Variants in NRG2 observed in about 807,000 individuals in gnomAD.
NRG2 encodes the protein neuregulin 2.
Under a neutral mutation model 73.9 loss-of-function variants are expected in NRG2, and 27 were observed. The ratio of observed to expected loss-of-function variants is 0.37; its 90% CI spans 0.27 to 0.50. The LOEUF (loss-of-function observed/expected upper bound fraction) is 0.50. Ranked by LOEUF, NRG2 falls within the 20% of genes least tolerant of loss-of-function variation. NRG2 has a pLI of 0.96. For missense variants in NRG2, 1,126 were observed against 1,210.1 expected (o/e 0.93, Z 1.03); for synonymous variants, 532 against 541.0 (o/e 0.98, Z 0.23).
intron 1 of NRG2, among the ~76,000 whole-genome samples, chr5:140,035,206 T>C (rs1761421306): frequency 6.6e-6 from 1 of 152,206 alleles, no homozygotes; most frequent in South Asian, 2.1e-4. Context: ...AAATAATCAA[T>C]TGATTCATCT....
chr5:139,883,014 G>A lies in NRG2; in HGVS notation c.873-2040C>T, dbSNP rs1046619885. 2.0e-5 allele frequency among the ~76,000 whole-genome samples: 3 copies of A among 152,146 alleles called. No homozygotes were observed. In the East Asian group the frequency reaches 5.8e-4, roughly 29 times the overall value. On this transcript the variant is annotated intron_variant, in intron 2 of 9. Transcript: ENST00000361474. ...AGAAGCCGGCCCCAGAGATGCACAC[G>A]GGGCTCTGGGTCCTGGCTAAGGGGC...
chr5:139,893,553 A>G (rs973237434), intron 1 of NRG2, among the ~76,000 whole-genome samples: 44 of 152,176 alleles, frequency 2.9e-4, no homozygotes, highest in Non-Finnish European at 6.3e-4. Flanking sequence ...TTCCCCAGAG[A>G]CGAAAGGGGC....
chr5:139,887,617 G>A lies in NRG2; in HGVS notation c.701-106C>T. The A allele has an allele frequency of 2.0e-6, 2 of 1,021,624 alleles. No individual in the cohort carries two copies. The highest frequency in any genetic ancestry group is 2.9e-6 in the Non-Finnish European group (2 of 686,844). 63.3% of individuals were successfully genotyped at this position (1,021,624 alleles called of 1,614,324 possible). On this transcript the variant is annotated intron_variant, in intron 1 of 9. Transcript: ENST00000361474. The surrounding 1 kb of genome is among the most constrained non-coding windows in gnomAD (Gnocchi z 4.5). ...TGTCTTTGGGCTGGAACTGGGGAAG[G>A]GAAGGGTGATCCTGAGAGCCACCCC...
rs147333832 is a variant in NRG2, at chr5:139,856,426, G to A, written c.1190-648C>T. 413 of 153,276 alleles carry A rather than the reference G, an allele frequency of 2.7e-3. 1 individual carries two copies. The highest frequency in any genetic ancestry group is 8.8e-3 in the South Asian group (43 of 4,860). 9.5% of individuals were successfully genotyped at this position (153,276 alleles called of 1,614,324 possible). A position where few individuals can be genotyped will look rare whatever the true frequency, so the allele number is the denominator to read the frequency against. On this transcript the variant is annotated intron_variant, in intron 5 of 9. Transcript: ENST00000361474. This position sits in a 1 kb window ranked among gnomAD's most constrained non-coding sequence, Gnocchi z 4.2. ...GGGCCTCAAAGCCCTCCCAAAGGCCGACTGTCCTCTTTACCCTCTGCTGCT... is the reference window on the plus strand; with the variant it reads ...GGGCCTCAAAGCCCTCCCAAAGGCCAACTGTCCTCTTTACCCTCTGCTGCT...
chr5:140,025,533 C>T lies in NRG2; in HGVS notation c.700+16837G>A, dbSNP rs180919247. Reference sequence around the variant, plus strand: ...TAGTATAAAAAACAGCCATATTCTCCAATCTTGAATAATCTTTTCAAGGTG... The same window carrying T: ...TAGTATAAAAAACAGCCATATTCTCTAATCTTGAATAATCTTTTCAAGGTG... On this transcript the variant is annotated intron_variant, in intron 1 of 9. Transcript: ENST00000361474. Among the ~76,000 whole-genome samples, 1,422 of 152,280 alleles carry T rather than the reference C, an allele frequency of 9.3e-3. 10 individuals are homozygous for T. Among genetic ancestry groups the T allele is most frequent in the Non-Finnish European group, 0.012 (818 of 68,020 alleles).
chr5:139,893,844 C>T (rs977184770), intron 1 of NRG2, among the ~76,000 whole-genome samples: 10 of 152,190 alleles, frequency 6.6e-5, no homozygotes, highest in Non-Finnish European at 1.2e-4. Flanking sequence ...TCCTCCAGGA[C>T]GGGCTCCATA....
intron 1 of NRG2, among the ~76,000 whole-genome samples, chr5:139,951,779 G>GCC (rs1304170571): frequency 6.6e-6 from 1 of 152,178 alleles, no homozygotes; most frequent in Non-Finnish European, 1.5e-5. Context: ...TGCAACCTAA[G>GCC]CCTTGCACCC....
chr5:139,972,101 A>G (rs1580847818), intron 1 of NRG2, among the ~76,000 whole-genome samples: 1 of 152,234 alleles, frequency 6.6e-6, no homozygotes, highest in East Asian at 1.9e-4. Context: ...CTTTATTAAC[A>G]GGACCAGTGC....
Position 139,894,204 on chromosome 5 carries a change from TC to T in NRG2, c.701-6694del. On this transcript the variant is annotated intron_variant, in intron 1 of 9. Coordinates refer to ENST00000361474, the MANE Select transcript of NRG2 (RefSeq NM_004883.3). This position sits in a 1 kb window ranked among gnomAD's most constrained non-coding sequence, Gnocchi z 5.0. ...CAGGGAGGACCTGGCTCTGCCTCCC[TC>T]CCGGCACCCAGCGGGCAGGGGCAGC... 6.6e-6 allele frequency among the ~76,000 whole-genome samples: 1 copy of T among 152,202 alleles called. No individual in the cohort carries two copies. The highest frequency in any genetic ancestry group is 6.5e-5 in the Admixed American group (1 of 15,304).
rs868702606 is a variant in NRG2 at position 139,869,320 on chromosome 5, T to G, written c.1112+2401A>C. ...AATGAAACTGACCAGTGTAGTTTCA[T>G]TATCCAAGCTAAGCGGAAATGCAAA... is the stretch of plus-strand genomic sequence containing the variant. On this transcript the variant is annotated intron_variant, in intron 4 of 9. Transcript: ENST00000361474. The surrounding 1 kb of genome is among the most constrained non-coding windows in gnomAD (Gnocchi z 4.5). The G allele has an allele frequency of 6.6e-6, 1 of 152,298 alleles. No homozygotes were observed. The highest frequency in any genetic ancestry group is 1.9e-4 in the East Asian group (1 of 5,186). 9.4% of individuals were successfully genotyped at this position (152,298 alleles called of 1,614,324 possible).
intron 1 of NRG2, among the ~76,000 whole-genome samples, chr5:139,960,659 T>C (rs910766910): frequency 6.6e-6 from 1 of 152,254 alleles, no homozygotes; most frequent in African/African-American, 2.4e-5. Flanking sequence ...ATATAGCACC[T>C]GCATCCTCTG....
intron 1 of NRG2, among the ~76,000 whole-genome samples, chr5:139,985,508 C>G (rs945603231): frequency 6.6e-6 from 1 of 152,170 alleles, no homozygotes; most frequent in Non-Finnish European, 1.5e-5. Flanking sequence ...ACCTCCTCTC[C>G]TCAGAACCCA....
rs1351366880 is a variant in NRG2 at position 140,042,847 on chromosome 5, T to A, written c.223A>T (p.Ser75Cys). Reference sequence around the variant, plus strand: ...GCGGCGGCTCTCCGGGCTGCGGGGCTGCGGGGCTGCGGCTGTTGCTGCGGC... The same window carrying A: ...GCGGCGGCTCTCCGGGCTGCGGGGCAGCGGGGCTGCGGCTGTTGCTGCGGC... Reference protein sequence around the residue: ...PRPQQQPQPRSPAARRAAARS... With the variant: ...PRPQQQPQPRCPAARRAAARS... Residue 75 changes from serine (S) to cysteine (C), a missense_variant, in exon 1 of 10, where the codon AGC (serine) becomes TGC (cysteine). By Grantham distance (112) the Ser-to-Cys change is moderately radical (BLOSUM62 -1). This residue lies in a region of NRG2 where 185 missense variants were observed against 149.0 expected (regional missense o/e 1.24). Transcript: ENST00000361474. 1 of 1,494,128 alleles carries A rather than the reference T, an allele frequency of 6.7e-7. No homozygotes were observed. Among genetic ancestry groups the A allele is most frequent in the African/African-American group, 1.5e-5 (1 of 68,908 alleles). 92.6% of individuals were successfully genotyped at this position (1,494,128 alleles called of 1,614,324 possible).
chr5:139,908,602 T>C (rs1394861085), intron 1 of NRG2, among the ~76,000 whole-genome samples: 1 of 152,190 alleles, frequency 6.6e-6, no homozygotes, highest in Non-Finnish European at 1.5e-5. Flanking sequence ...CAATACCTAG[T>C]AAGTGGCAGA....
chr5:139,892,805 G>A (rs937072317), intron 1 of NRG2, among the ~76,000 whole-genome samples: 2 of 152,148 alleles, frequency 1.3e-5, no homozygotes, highest in South Asian at 2.1e-4. Context: ...GATCCCTACC[G>A]CTGCTCCTTC....
chr5:140,036,306 G>A (rs906257228), intron 1 of NRG2, among the ~76,000 whole-genome samples: 1 of 152,154 alleles, frequency 6.6e-6, no homozygotes, highest in African/African-American at 2.4e-5. Flanking sequence ...CACTCCATAA[G>A]TGCAAATTTG....
chr5:139,871,590 GCTTC>G, intron 4 of NRG2, 127 bp downstream of exon 4: 1 of 1,204,468 alleles, frequency 8.3e-7, no homozygotes, highest in Non-Finnish European at 1.2e-6. Flanking sequence ...GTAGGGCAAA[GCTTC>G]CTGTCTACAC....
chr5:139,859,745 A>T, intron 5 of NRG2: 1 of 794,560 alleles, frequency 1.3e-6, no homozygotes, highest in Non-Finnish European at 2.1e-6. Flanking sequence ...ATGATAGGAC[A>T]TCTCGATGGG....
intron 1 of NRG2, among the ~76,000 whole-genome samples, chr5:139,983,305 G>C (rs534406719): frequency 2.6e-4 from 39 of 152,324 alleles, no homozygotes; most frequent in Non-Finnish European, 4.1e-4. Flanking sequence ...AAGGCACCCA[G>C]GGTCACATGA....
Sources: allele counts gnomAD v4.1 joint callset (sites outside exome capture counted in the v4.1 genomes callset), GRCh38; gene constraint gnomAD v4.1.1; regional missense constraint gnomAD v4.1.1; non-coding constraint Gnocchi (gnomAD v3.1); transcripts MANE v1.5; gene names NCBI Gene and HGNC (gene_info 2026-07-23, HGNC 2026-07-21).